MKI67: variants seen among roughly 807,000 people sequenced by gnomAD.
MKI67 encodes the protein proliferation marker protein Ki-67.
In MKI67, 152 loss-of-function variants were observed where a neutral mutation model predicts 233.5. That is an observed-to-expected ratio of 0.65 (90% CI 0.57 to 0.74). The LOEUF (loss-of-function observed/expected upper bound fraction) is 0.74. Among genes scored for constraint, MKI67 ranks in the 30% least tolerant of loss-of-function variants. The pLI is 0.00. For synonymous variants in MKI67, 1,465 were observed against 1,418.5 expected, an observed-to-expected ratio of 1.03 and a Z score of -0.74; for missense variants, 3,940 against 3,885.2, an observed-to-expected ratio of 1.01 and a Z score of -0.37.
chr10:128,103,465 T>C lies in MKI67; in HGVS notation c.8375A>G (p.Glu2792Gly), dbSNP rs1852393076. The C allele has an allele frequency of 9.9e-6, 16 of 1,613,922 alleles. No individual in the cohort carries two copies. Among genetic ancestry groups the C allele is most frequent in the African/African-American group, 1.3e-5 (1 of 74,970 alleles). The stretch of plus-strand genomic sequence containing the variant: ...TAGGTCTTCTATGGCTTGGGCACTT[T>C]CCCTGGGTGCTCTTGGCCGTCTCCT... ...GSRRRPRAPR[E>G]SAQAIEDLAG... Residue 2792 changes from glutamate (E) to glycine (G), a missense_variant, in exon 13 of 15, where the codon GAA (glutamate) becomes GGA (glycine). Physicochemically the swap from Glu to Gly is moderately conservative, Grantham distance 98 (BLOSUM62 -2). Transcript: ENST00000368654.
In MKI67 at chr10:128,096,888, TG is replaced by T. The variant is rs1426194687; in HGVS notation, c.*2301del. ...CCTGCCCCAGCCTGGAGGACAGGCA[TG>T]GGGGTGAGGGAACCCACAGGCAAGA... On this transcript the variant is annotated 3_prime_UTR_variant, in exon 15 of 15. Transcript: ENST00000368654. The T allele has an allele frequency of 6.6e-6, 1 of 152,156 alleles. No individual in the cohort carries two copies. The allele number at this position is 152,156 out of a possible 1,614,324, so 9.4% of individuals were successfully genotyped here.
At position 128,103,332 on chromosome 10, in the gene MKI67, T is replaced by G. The variant is rs756813298; in HGVS notation, c.8508A>C (p.Thr2836=). The part of the protein sequence containing the change: ...KSSPELEDTA[T]SSKRRPRTRA... Reference sequence around the variant, plus strand: ...GTGTCCTGGGCCGTCTCTTTGAGCTTGTTGCGGTGTCTTCTAGTTCTGGTG... The same window carrying G: ...GTGTCCTGGGCCGTCTCTTTGAGCTGGTTGCGGTGTCTTCTAGTTCTGGTG... The change falls in exon 13 of 15, where the codon ACA becomes ACC. Residue 2836 remains threonine (T), a synonymous_variant. Transcript: ENST00000368654. The G allele has an allele frequency of 5.6e-6, 9 of 1,614,022 alleles. No homozygotes were observed. The highest frequency in any genetic ancestry group is 7.6e-6 in the Non-Finnish European group (9 of 1,180,030).
In MKI67 at chr10:128,115,913, GTCT is replaced by G. The variant is rs1425904853; in HGVS notation, c.492_494del (p.Glu164del). On this transcript the variant is annotated inframe_deletion, in exon 7 of 15. Coordinates refer to ENST00000368654, the MANE Select transcript of MKI67 (RefSeq NM_002417.5). Reference sequence around the variant, plus strand: ...TGTCTTTTGAGTCATCTGCGGTACTGTCTTCTTTGACATTCTTGATATGTACCT... The same window carrying G: ...TGTCTTTTGAGTCATCTGCGGTACTGTCTTTGACATTCTTGATATGTACCT... The G allele has an allele frequency of 1.2e-6, 2 of 1,610,876 alleles. No homozygotes were observed. The highest frequency in any genetic ancestry group is 3.3e-5 in the Admixed American group (2 of 59,994).
In MKI67 at chr10:128,107,869, T is replaced by C. The variant is rs1431036757; in HGVS notation, c.3971A>G (p.Glu1324Gly). The change falls in exon 13 of 15, where the codon GAG becomes GGG. Residue 1324 changes from glutamate (E) to glycine (G), a missense_variant. Coordinates refer to ENST00000368654, the MANE Select transcript of MKI67 (RefSeq NM_002417.5). ...CCGTCTCTTGCTGCCGGTTAAGTTC[T>C]CTGTCAGGTCCAGTTTCTGCACTGG... ...GTPVQKLDLT[E>G]NLTGSKRRPQ... 1 of 1,612,348 alleles carries C rather than the reference T, an allele frequency of 6.2e-7. No individual in the cohort carries two copies. The highest frequency in any genetic ancestry group is 2.2e-5 in the East Asian group (1 of 44,728).
rs773880604 is a variant in MKI67 at position 128,112,331 on chromosome 10, C to T, written c.1771G>A (p.Ala591Thr). Residue 591 changes from alanine to threonine, a missense_variant, in exon 9 of 15, where the codon GCC (alanine) becomes ACC (threonine). Coordinates refer to ENST00000368654, the MANE Select transcript of MKI67 (RefSeq NM_002417.5). Reference protein sequence around the residue: ...PAPSPRKTPVASDQRRRSCKT... With the variant: ...PAPSPRKTPVTSDQRRRSCKT... ...CAGGACCTACGGCGTTGATCACTGG[C>T]AACTGGAGTTTTCCTAGGACTAGGA... is the stretch of plus-strand genomic sequence containing the variant. The T allele has an allele frequency of 2.5e-6, 4 of 1,614,084 alleles. No homozygotes were observed. The African/African-American group carries it at 5.3e-5, about 22-fold the overall frequency.
chr10:128,103,393 G>A lies in MKI67; in HGVS notation c.8447C>T (p.Thr2816Ile), dbSNP rs757792743. ...GGGTATTTTAGTGGTTTTGTCATCAGTCATTGATTCTTCAGTGTGACCTGC... is the reference window on the plus strand; with the variant it reads ...GGGTATTTTAGTGGTTTTGTCATCAATCATTGATTCTTCAGTGTGACCTGC... ...PAAGHTEESMTDDKTTKIPCK... is the reference protein window; with the variant it reads ...PAAGHTEESMIDDKTTKIPCK... The change falls in exon 13 of 15, where the codon ACT becomes ATT. Residue 2816 changes from threonine to isoleucine, a missense_variant. By Grantham distance (89) the Thr-to-Ile change is moderately conservative. Coordinates refer to ENST00000368654, the MANE Select transcript of MKI67 (RefSeq NM_002417.5). 6.2e-7 allele frequency: 1 copy of A among 1,613,964 alleles called. No homozygotes were observed. The highest frequency in any genetic ancestry group is 1.1e-5 in the South Asian group (1 of 91,060).
chr10:128,120,243 C>T (rs1397948988), intron 4 of MKI67, among the ~76,000 whole-genome samples: 1 of 152,162 alleles, frequency 6.6e-6, no homozygotes, highest in Non-Finnish European at 1.5e-5. Flanking sequence ...GTAATCTCAG[C>T]ATTTTGGGAG....
In MKI67 at chr10:128,097,569, A is replaced by G. The variant is rs1010352220; in HGVS notation, c.*1621T>C. ...TTTCTATGTGAGGTTCATAATTACT[A>G]CTAAGTCTAAAGTGTTAGAACAACT... On this transcript the variant is annotated 3_prime_UTR_variant, in exon 15 of 15. Transcript: ENST00000368654. 1 of 152,166 alleles carries G rather than the reference A, an allele frequency of 6.6e-6. No homozygotes were observed. The highest frequency in any genetic ancestry group is 1.5e-5 in the Non-Finnish European group (1 of 68,020). 9.4% of individuals were successfully genotyped at this position (152,166 alleles called of 1,614,324 possible).
chr10:128,120,145 GATA>G (rs1852902081), intron 4 of MKI67, among the ~76,000 whole-genome samples: 1 of 152,194 alleles, frequency 6.6e-6, no homozygotes, highest in South Asian at 2.1e-4. Context: ...TCTCAATTTG[GATA>G]ATATCTTGTT....
At position 128,107,453 on chromosome 10, in the gene MKI67, G is replaced by T; in HGVS notation, c.4387C>A (p.Pro1463Thr). Residue 1463 changes from proline to threonine, a missense_variant, in exon 13 of 15, where the codon CCC becomes ACC. Transcript: ENST00000368654. ...TTCAAGCCAGCCAGGTCTTCTAGGGGTTGGGCCTTTTCCTTAGTTTTTGGG... is the reference window on the plus strand; with the variant it reads ...TTCAAGCCAGCCAGGTCTTCTAGGGTTTGGGCCTTTTCCTTAGTTTTTGGG... ...RHPKTKEKAQ[P>T]LEDLAGLKEL... 6.2e-7 allele frequency: 1 copy of T among 1,613,860 alleles called. No homozygotes were observed. Among genetic ancestry groups the T allele is most frequent in the Non-Finnish European group, 8.5e-7 (1 of 1,179,964 alleles).
chr10:128,104,439 T>C lies in MKI67; in HGVS notation c.7401A>G (p.Pro2467=), dbSNP rs1322194940. Reference sequence around the variant, plus strand: ...TTGAGGTTTTGAATGACTCTGGCTGTGGAGATTTACAGGATACTTCTGTGA... The same window carrying C: ...TTGAGGTTTTGAATGACTCTGGCTGCGGAGATTTACAGGATACTTCTGTGA... The part of the protein sequence containing the change: ...DKITEVSCKS[P]QPESFKTSRS... Residue 2467 remains proline (P), a synonymous_variant, in exon 13 of 15, where the codon CCA becomes CCG. Coordinates refer to ENST00000368654, the MANE Select transcript of MKI67 (RefSeq NM_002417.5). 7 of 1,613,714 alleles carry C rather than the reference T, an allele frequency of 4.3e-6. No individual in the cohort carries two copies. The highest frequency in any genetic ancestry group is 4.0e-5 in the African/African-American group (3 of 74,808).
chr10:128,104,059 G>A lies in MKI67; in HGVS notation c.7781C>T (p.Thr2594Ile), dbSNP rs1852412426. The A allele has an allele frequency of 1.2e-6, 2 of 1,613,924 alleles. No homozygotes were observed. The highest frequency in any genetic ancestry group is 1.6e-4 in the Middle Eastern group (1 of 6,062). ...TCTCTTTGTGCTCGTGGCAGTGTCTGTTAGTTCTGGTGGGGGAGATTTGCA... is the reference window on the plus strand; with the variant it reads ...TCTCTTTGTGCTCGTGGCAGTGTCTATTAGTTCTGGTGGGGGAGATTTGCA... ...IPCKSPPPEL[T>I]DTATSTKRCP... is the part of the protein sequence containing the mutation. The change falls in exon 13 of 15, where the codon ACA (threonine) becomes ATA (isoleucine). Residue 2594 changes from threonine (T) to isoleucine (I), a missense_variant. Coordinates refer to ENST00000368654, the MANE Select transcript of MKI67 (RefSeq NM_002417.5).
chr10:128,103,819 TGGGCC>T lies in MKI67; in HGVS notation c.8016_8020del (p.Ala2673ThrfsTer13). ...GAAGCCGGCCAGGTCTTCCAGGGGT[TGGGCC>T]TTTTCCTTAGGTGCTCTTGGCCTTC... On this transcript the variant is annotated frameshift_variant, in exon 13 of 15. Coordinates refer to ENST00000368654, the MANE Select transcript of MKI67 (RefSeq NM_002417.5). LOFTEE classifies it high-confidence loss of function. 6.2e-7 allele frequency: 1 copy of T among 1,614,120 alleles called. No homozygotes were observed. The highest frequency in any genetic ancestry group is 8.5e-7 in the Non-Finnish European group (1 of 1,180,024).
intron 14 of MKI67, 30 bp from the exon 15 acceptor site, chr10:128,099,285 T>G (rs1172629379): frequency 6.3e-7 from 1 of 1,586,644 alleles, no homozygotes; most frequent in African/African-American, 1.4e-5. Context: ...ATAGAACTCT[T>G]AAGTAATTTA....
intron 12 of MKI67, among the ~76,000 whole-genome samples, chr10:128,109,862 C>A (rs781118692): frequency 5.9e-5 from 9 of 152,158 alleles, no homozygotes; most frequent in Non-Finnish European, 8.8e-5. Context: ...CCGCAAACAT[C>A]TTCAGGGTAG....
In MKI67 at chr10:128,108,307, T is replaced by G; in HGVS notation, c.3533A>C (p.Lys1178Thr). 6.2e-7 allele frequency: 1 copy of G among 1,614,122 alleles called. No homozygotes were observed. Among genetic ancestry groups the G allele is most frequent in the African/African-American group, 1.3e-5 (1 of 75,012 alleles). The change falls in exon 13 of 15, where the codon AAA becomes ACA. Residue 1178 changes from lysine (K) to threonine (T), a missense_variant. Lys to Thr is a moderately conservative substitution (Grantham distance 78). Transcript: ENST00000368654. ...PSAGKAMLTPKPAGGDEKDIK... is the reference protein window; with the variant it reads ...PSAGKAMLTPTPAGGDEKDIK... ...GTCTTTCTCATCACCTCCTGCTGGT[T>G]TGGGCGTAAGCATGGCTTTCCCTGC... is the stretch of plus-strand genomic sequence containing the variant.
rs1852413169 is a variant in MKI67 at position 128,104,095 on chromosome 10, G to C, written c.7745C>G (p.Thr2582Arg). Residue 2582 changes from threonine to arginine, a missense_variant, in exon 13 of 15, where the codon ACA becomes AGA. Physicochemically the swap from Thr to Arg is moderately conservative, Grantham distance 71. Coordinates refer to ENST00000368654, the MANE Select transcript of MKI67 (RefSeq NM_002417.5). ...TGGGGGAGATTTGCAGGGAATTTTTGTGTTTTTGTCAATAGTCATTGACTC... is the reference window on the plus strand; with the variant it reads ...TGGGGGAGATTTGCAGGGAATTTTTCTGTTTTTGTCAATAGTCATTGACTC... ...TEESMTIDKN[T>R]KIPCKSPPPE... is the part of the protein sequence containing the mutation. The C allele has an allele frequency of 6.2e-7, 1 of 1,613,888 alleles. No individual in the cohort carries two copies. Among genetic ancestry groups the C allele is most frequent in the African/African-American group, 1.3e-5 (1 of 74,864 alleles).
rs1364904987 is a variant in MKI67, at chr10:128,103,532, C to A, written c.8308G>T (p.Ala2770Ser). The A allele has an allele frequency of 1.2e-6, 2 of 1,613,436 alleles. No homozygotes were observed. Among genetic ancestry groups the A allele is most frequent in the Non-Finnish European group, 1.7e-6 (2 of 1,179,860 alleles). The change falls in exon 13 of 15, where the codon GCA (alanine) becomes TCA (serine). Residue 2770 changes from alanine (A) to serine (S), a missense_variant. Physicochemically the swap from Ala to Ser is moderately conservative, Grantham distance 99 (BLOSUM62 1). Transcript: ENST00000368654. ...DKGIKALKES[A>S]KQTPAPAASV... ...GCTGCTGGAGCCGGTGTCTGTTTTG[C>A]AGATTCCTTCAATGCTTTGATGCCT... is the stretch of plus-strand genomic sequence containing the variant.
chr10:128,112,545 A>T, intron 8 of MKI67, 100 bp from the exon 9 acceptor site: 4 of 1,146,750 alleles, frequency 3.5e-6, no homozygotes, highest in Non-Finnish European at 5.0e-6. Context: ...AGCTGTTTAA[A>T]TCTTGAAGCA....
Sources: allele counts gnomAD v4.1 joint callset (sites outside exome capture counted in the v4.1 genomes callset), GRCh38; gene constraint gnomAD v4.1.1; transcripts MANE v1.5; gene names NCBI Gene and HGNC (gene_info 2026-07-23, HGNC 2026-07-21).